The following FRMPD4 variants were observed in gnomAD, a reference collection of about 807,000 sequenced individuals.
The protein encoded by FRMPD4 is FERM and PDZ domain-containing protein 4.
FRMPD4 carries 22 observed loss-of-function variants against 94.1 expected under a neutral mutation model. The ratio of observed to expected loss-of-function variants is 0.23; its 90% CI spans 0.17 to 0.33. The LOEUF (loss-of-function observed/expected upper bound fraction) is 0.33, where lower values mean the gene tolerates loss of function less well. Ranked by LOEUF, FRMPD4 falls within the 10% of genes least tolerant of loss-of-function variation. FRMPD4 has a pLI of 1.00. For synonymous variants in FRMPD4, 631 were observed against 548.6 expected, an observed-to-expected ratio of 1.15 and a Z score of -2.10; for missense variants, 1,111 against 1,339.9, an observed-to-expected ratio of 0.83 and a Z score of 2.67.
chrX:12,705,311 C>T (rs960981682), intron 11 of FRMPD4, among the ~76,000 whole-genome samples: 1 of 111,649 alleles, frequency 9.0e-6, no homozygotes, highest in Non-Finnish European at 1.9e-5. Context: ...ATTCCAGGAA[C>T]CAGAAAGAGA....
intron 1 of FRMPD4, among the ~76,000 whole-genome samples, chrX:12,415,450 T>G (rs2056787849): frequency 8.9e-6 from 1 of 111,802 alleles, no homozygotes; most frequent in Non-Finnish European, 1.9e-5. Context: ...GCAATCTGAT[T>G]GATATATTTG....
intron 3 of FRMPD4, among the ~76,000 whole-genome samples, chrX:11,914,296 T>TC (rs1162706040): frequency 9.3e-6 from 1 of 107,075 alleles, no homozygotes; most frequent in Non-Finnish European, 1.9e-5. Flanking sequence ...TTTTTCTTTT[T>TC]TTTTTTTTTT....
At chrX:12,378,027 T>C (rs144024553) in intron 1 of FRMPD4, among the ~76,000 whole-genome samples, 1 of 112,097 alleles carries the variant, frequency 8.9e-6, no homozygotes, top group Non-Finnish European at 1.9e-5. Context: ...GTTTATTAGA[T>C]GTTATTTGCT....
At chrX:12,520,600 C>G (rs778409100) in intron 2 of FRMPD4, among the ~76,000 whole-genome samples, 1 of 111,807 alleles carries the variant, frequency 8.9e-6, no homozygotes, top group Admixed American at 9.5e-5. Context: ...GGCATCAGGA[C>G]TCTGTTTCAT....
chrX:12,351,456 A>G (rs1341086732), intron 1 of FRMPD4, among the ~76,000 whole-genome samples: 1 of 111,989 alleles, frequency 8.9e-6, no homozygotes, highest in Non-Finnish European at 1.9e-5. Flanking sequence ...GGGACAACCT[A>G]GTGACAATCT....
intron 3 of FRMPD4, among the ~76,000 whole-genome samples, chrX:11,985,247 G>A (rs1382645195): frequency 8.9e-6 from 1 of 111,874 alleles, no homozygotes; most frequent in African/African-American, 3.3e-5. Flanking sequence ...GAGTTGTGAG[G>A]CCCCCATTCC....
chrX:12,318,490 C>T (rs966647548), intron 1 of FRMPD4, among the ~76,000 whole-genome samples: 4 of 111,908 alleles, frequency 3.6e-5, no homozygotes, highest in African/African-American at 1.3e-4. Flanking sequence ...TTCTACTACA[C>T]TCCAGCCTGG....
At chrX:12,223,460 G>T (rs1404089652) in intron 1 of FRMPD4, among the ~76,000 whole-genome samples, 4 of 111,751 alleles carry the variant, frequency 3.6e-5, no homozygotes, top group Non-Finnish European at 7.5e-5. Flanking sequence ...GAGGGTAAAG[G>T]GTGGGAAGGG....
At position 12,688,285 on chromosome X, in the gene FRMPD4, G is replaced by A. The variant is rs750815048; in HGVS notation, c.682-1910G>A. Among the ~76,000 whole-genome samples, 5 of 111,975 alleles carry A rather than the reference G, an allele frequency of 4.5e-5. No homozygotes were observed. The East Asian group carries it at 1.4e-3, about 31-fold the overall frequency. ...CTCCCTACCCCACCTGAAGACCGAG[G>A]TAAAGACTTGAATGCATTTCTTAAC... On this transcript the variant is annotated intron_variant, in intron 7 of 16. Coordinates refer to ENST00000675598, the MANE Select transcript of FRMPD4 (RefSeq NM_001368397.1).
chrX:11,949,015 T>C (rs1276610725), intron 3 of FRMPD4, among the ~76,000 whole-genome samples: 1 of 112,202 alleles, frequency 8.9e-6, no homozygotes, highest in East Asian at 2.8e-4. Context: ...ATGAGGGCTT[T>C]GCTTAGCTAG....
intron 1 of FRMPD4, among the ~76,000 whole-genome samples, chrX:12,356,709 A>G (rs756383038): frequency 1.3e-4 from 15 of 112,232 alleles, no homozygotes; most frequent in African/African-American, 4.8e-4. Flanking sequence ...TGTAAAATCT[A>G]TGCATTTTAT....
intron 3 of FRMPD4, among the ~76,000 whole-genome samples, chrX:11,915,618 A>C (rs751747470): frequency 2.7e-5 from 3 of 112,526 alleles, no homozygotes; most frequent in African/African-American, 9.7e-5. Flanking sequence ...CCTTAGTTCT[A>C]CTGGTCATAT....
intron 4 of FRMPD4, among the ~76,000 whole-genome samples, chrX:12,651,914 C>G (rs2059598983): frequency 8.9e-6 from 1 of 112,392 alleles, no homozygotes; most frequent in African/African-American, 3.2e-5. Flanking sequence ...GATGACACTA[C>G]CTGTCTCTTC....
At chrX:12,304,224 G>A (rs1387840562) in intron 1 of FRMPD4, among the ~76,000 whole-genome samples, 2 of 111,646 alleles carry the variant, frequency 1.8e-5, no homozygotes, top group African/African-American at 6.5e-5. Context: ...TTCTGATACT[G>A]AGAAACTAAG....
chrX:12,699,261 C>A (rs998957861), intron 9 of FRMPD4, among the ~76,000 whole-genome samples: 1 of 111,886 alleles, frequency 8.9e-6, no homozygotes, highest in African/African-American at 3.3e-5. Context: ...AAAATGGCAG[C>A]CTGTAATTGC....
chrX:11,862,713 G>T (rs1432712139), intron 1 of FRMPD4, among the ~76,000 whole-genome samples: 1 of 111,111 alleles, frequency 9.0e-6, no homozygotes, highest in East Asian at 2.8e-4. Flanking sequence ...CAGTTTTGCT[G>T]AACCTTCCTT....
intron 3 of FRMPD4, among the ~76,000 whole-genome samples, chrX:12,053,386 G>T (rs1410231378): frequency 1.3e-5 from 1 of 79,646 alleles, no homozygotes; most frequent in Non-Finnish European, 2.5e-5. Context: ...AAGAAAGAAA[G>T]AAAGAAAGAA....
intron 2 of FRMPD4, among the ~76,000 whole-genome samples, chrX:12,574,049 G>A (rs767874229): frequency 3.0e-4 from 34 of 112,370 alleles, no homozygotes; most frequent in African/African-American, 1.1e-3. Context: ...CACCCAGGCT[G>A]GAGTGCAGTG....
chrX:11,895,517 T>C lies in FRMPD4; in HGVS notation c.95+17499T>C, dbSNP rs780443930. 5.4e-5 allele frequency among the ~76,000 whole-genome samples: 6 copies of C among 111,361 alleles called. No homozygotes were observed. The South Asian group carries it at 1.9e-3, about 36-fold the overall frequency. ...AGGAAATGAGGGGGACAGTGAGACT[T>C]AGGTTCATCCAATATAACATGCATT... On this transcript the variant is annotated intron_variant, in intron 3 of 18. Coordinates refer to the FRMPD4 transcript ENST00000640291.
Sources: gnomAD v4.1 joint callset for allele counts (sites outside exome capture counted in the v4.1 genomes callset) on GRCh38, gnomAD v4.1.1 for gene constraint, MANE v1.5 for transcripts, NCBI Gene and HGNC (gene_info 2026-07-23, HGNC 2026-07-21) for gene names.